Variants in CDH26 observed in about 807,000 individuals in gnomAD.
CDH26 encodes the protein cadherin 26, also known as cadherin-like protein 26.
A neutral mutation model predicts 90.3 loss-of-function variants in CDH26; 83 were observed. The ratio of observed to expected loss-of-function variants is 0.92; its 90% confidence interval spans 0.77 to 1.10. The LOEUF (loss-of-function observed/expected upper bound fraction) is 1.10. Ranked by LOEUF, CDH26 falls within the 50% of genes least tolerant of loss-of-function variation. CDH26 has a pLI of 0.00. For missense variants in CDH26, 1,013 were observed against 1,037.6 expected (o/e 0.98, Z 0.33); for synonymous variants, 397 against 396.3 (o/e 1.00, Z -0.02).
intron 6 of CDH26, 28 bp downstream of exon 6, chr20:59,984,833 A>G: frequency 6.3e-7 from 1 of 1,590,890 alleles, no homozygotes; most frequent in South Asian, 1.2e-5. Context: ...ATTTTTTTTA[A>G]ATGAAATGTG....
chr20:59,961,941 G>T (rs913769657), intron 1 of CDH26, among the ~76,000 whole-genome samples: 11 of 152,302 alleles, frequency 7.2e-5, no homozygotes, highest in East Asian at 1.9e-4. Context: ...TTTGTTGTTG[G>T]TGGTGGTGGC....
At chr20:59,963,252 A>ATTTTTTT (rs11086689) in intron 1 of CDH26, among the ~76,000 whole-genome samples, 1 of 122,938 alleles carries the variant, frequency 8.1e-6, no homozygotes, top group Non-Finnish European at 1.6e-5. Context: ...GTAGATAAGG[A>ATTTTTTT]TTTTTTTTTT....
chr20:60,016,749 G>A (rs1004150264), downstream of CDH26, among the ~76,000 whole-genome samples: 39 of 151,966 alleles, frequency 2.6e-4, 1 homozygote, highest in Non-Finnish European at 1.5e-5. Flanking sequence ...AGCTGTGGGT[G>A]TGTCATATAT....
At chr20:59,966,231 TAAAAAAAAAAAAAAA>T (rs60088029) in intron 1 of CDH26, among the ~76,000 whole-genome samples, 1 of 76,250 alleles carries the variant, frequency 1.3e-5, no homozygotes, top group African/African-American at 6.3e-5. Flanking sequence ...GGTGTTGCAT[TAAAAAAAAAAAAAAA>T]AAAAAAAAAA....
chr20:59,967,934 C>CCTTT (rs71183191), intron 1 of CDH26, among the ~76,000 whole-genome samples: 64 of 109,856 alleles, frequency 5.8e-4, no homozygotes, highest in East Asian at 3.3e-3. Context: ...CTTTCCTTTC[C>CCTTT]CTTTCTTTCT....
At chr20:59,991,310 C>T (rs1488895240) in intron 9 of CDH26, among the ~76,000 whole-genome samples, 1 of 152,210 alleles carries the variant, frequency 6.6e-6, no homozygotes, top group Non-Finnish European at 1.5e-5. Context: ...CAAGAACTAA[C>T]AGTCCATCAT....
rs1160275311 is a variant in CDH26 at position 59,988,669 on chromosome 20, A to C, written c.1024-235A>C. On this transcript the variant is annotated intron_variant, in intron 8 of 17. Coordinates refer to ENST00000348616, the MANE Select transcript of CDH26 (RefSeq NM_177980.4). ...TGCATTTTTCATTACCCTCTGAAGG[A>C]TGGTGGCTCTTTTCAACCAGCAGAG... 2.0e-5 allele frequency among the ~76,000 whole-genome samples: 3 copies of C among 152,218 alleles called. 1 individual carries two copies. Among genetic ancestry groups the C allele is most frequent in the Middle Eastern group, 3.4e-3 (1 of 294 alleles).
At chr20:59,969,743 T>C (rs1273992468) in intron 2 of CDH26, among the ~76,000 whole-genome samples, 1 of 152,200 alleles carries the variant, frequency 6.6e-6, no homozygotes, top group Non-Finnish European at 1.5e-5. Flanking sequence ...TAAATGGAAG[T>C]GGGAAAACTT....
At chr20:60,023,035 C>G (rs529225157) in intron 7 of CDH26, among the ~76,000 whole-genome samples, 2 of 152,340 alleles carry the variant, frequency 1.3e-5, no homozygotes, top group South Asian at 4.1e-4. Context: ...GAGGCAACTT[C>G]CAGGAAGTGT....
chr20:60,001,208 C>T, intron 14 of CDH26, 135 bp from the exon 15 acceptor site: 2 of 1,067,446 alleles, frequency 1.9e-6, no homozygotes, highest in Middle Eastern at 2.1e-4. Flanking sequence ...CGCGCCCTCC[C>T]TCTCATCGTG....
At chr20:59,960,892 C>G (rs929999480) in intron 1 of CDH26, among the ~76,000 whole-genome samples, 2 of 152,218 alleles carry the variant, frequency 1.3e-5, no homozygotes, top group African/African-American at 4.8e-5. Flanking sequence ...TCATTCAGAG[C>G]TCATGCTAAA....
chr20:59,968,137 G>T (rs1168401872), intron 1 of CDH26, among the ~76,000 whole-genome samples: 1 of 138,294 alleles, frequency 7.2e-6, no homozygotes, highest in Non-Finnish European at 1.5e-5. Context: ...TTGCTCTGTC[G>T]CCCAGGCTGG....
At chr20:59,990,233 C>T (rs538783041) in intron 9 of CDH26, among the ~76,000 whole-genome samples, 1 of 152,228 alleles carries the variant, frequency 6.6e-6, no homozygotes, top group African/African-American at 2.4e-5. Flanking sequence ...GGTATTGACA[C>T]ATTTTTGTTT....
At chr20:60,003,111 A>T (rs1447913660) in intron 16 of CDH26, among the ~76,000 whole-genome samples, 1 of 152,206 alleles carries the variant, frequency 6.6e-6, no homozygotes, top group African/African-American at 2.4e-5. Flanking sequence ...TTTGCTGTTG[A>T]GTTGCTAAGA....
In CDH26 at chr20:59,992,877, C is replaced by T. The variant is rs780354642; in HGVS notation, c.1426+357C>T. 1.4e-4 allele frequency among the ~76,000 whole-genome samples: 22 copies of T among 152,024 alleles called. No individual in the cohort carries two copies. In the East Asian group the frequency reaches 2.1e-3, roughly 15 times the overall value. ...GCTTCCCTGTGCTTGGGATGGCATA[C>T]GAGCTCAGATAAATGGGACTGTAAG... On this transcript the variant is annotated intron_variant, in intron 10 of 17. Coordinates refer to ENST00000348616, the MANE Select transcript of CDH26 (RefSeq NM_177980.4). The surrounding 1 kb of genome is among the most constrained non-coding windows in gnomAD (Gnocchi z 5.0).
At chr20:59,985,174 A>T in intron 7 of CDH26, 45 bp downstream of exon 7, 1 of 1,608,970 alleles carries the variant, frequency 6.2e-7, no homozygotes, top group South Asian at 1.1e-5. Context: ...CAAAACAAGT[A>T]GCCCTTGGGT....
rs565907529 is a variant in CDH26, at chr20:60,010,048, C to T, written c.2296-2479C>T. Among the ~76,000 whole-genome samples, 15 of 152,242 alleles carry T rather than the reference C, an allele frequency of 9.9e-5. No homozygotes were observed. The South Asian group carries it at 2.5e-3, about 25-fold the overall frequency. ...GGCCAGATGTGCAGGTGAGCATTCC[C>T]GCGCTTCTCGTGGGCACCAAGCCTG... On this transcript the variant is annotated intron_variant, in intron 17 of 17. Coordinates refer to ENST00000348616, the MANE Select transcript of CDH26 (RefSeq NM_177980.4).
chr20:59,985,473 G>C (rs1296953364), intron 7 of CDH26, among the ~76,000 whole-genome samples: 1 of 152,012 alleles, frequency 6.6e-6, no homozygotes, highest in Non-Finnish European at 1.5e-5. Flanking sequence ...GGTAAGAGGG[G>C]CCACACACTT....
chr20:59,959,385 C>G (rs894614566), intron 1 of CDH26, among the ~76,000 whole-genome samples: 2 of 151,416 alleles, frequency 1.3e-5, no homozygotes, highest in African/African-American at 4.9e-5. Context: ...CAGGCATGAG[C>G]CACCTCACCC....
Sources: gnomAD v4.1 joint callset for allele counts (sites outside exome capture counted in the v4.1 genomes callset) on GRCh38, gnomAD v4.1.1 for gene constraint, Gnocchi (gnomAD v3.1) non-coding constraint, MANE v1.5 for transcripts, NCBI Gene and HGNC (gene_info 2026-07-23, HGNC 2026-07-21) for gene names.